The following CELA2A variants were observed in gnomAD, a reference collection of about 807,000 sequenced individuals.
The protein encoded by CELA2A is chymotrypsin-like elastase family member 2A.
CELA2A carries 31 observed loss-of-function variants against 35.3 expected under a neutral mutation model. The ratio of observed to expected loss-of-function variants is 0.88; its 90% CI spans 0.66 to 1.19. The LOEUF (loss-of-function observed/expected upper bound fraction) is 1.19, where lower values mean the gene tolerates loss of function less well. CELA2A is among the 50% of genes most tolerant of loss of function. CELA2A has a pLI of 0.00. For missense variants in CELA2A, 330 were observed against 352.9 expected (o/e 0.94, Z 0.52); for synonymous variants, 150 against 149.8 (o/e 1.00, Z -0.01).
intron 2 of CELA2A, 104 bp from the exon 3 acceptor site, chr1:15,461,439 GCACATGAGGCGACTGCCT>G: frequency 2.1e-6 from 2 of 957,950 alleles, no homozygotes; most frequent in Non-Finnish European, 3.2e-6. Flanking sequence ...CTTAAGTTGT[GCACATGAGGCGACTGCCT>G]CACTCCCCCT....
At chr1:15,462,937 C>G in intron 4 of CELA2A, 76 bp downstream of exon 4, 2 of 1,591,054 alleles carry the variant, frequency 1.3e-6, no homozygotes, top group African/African-American at 1.3e-5. Context: ...GCAAGGGTCT[C>G]AACCACACCA....
intron 7 of CELA2A, among the ~76,000 whole-genome samples, chr1:15,468,998 G>A (rs1343641873): frequency 6.6e-6 from 1 of 152,026 alleles, no homozygotes; most frequent in Non-Finnish European, 1.5e-5. Context: ...GTCAACACGG[G>A]GAAACCCCGT....
chr1:15,462,235 A>G (rs1383752334), intron 3 of CELA2A: 1 of 469,446 alleles, frequency 2.1e-6, no homozygotes, highest in Admixed American at 2.3e-5. Context: ...CCCTACCAGG[A>G]GTGATCCCTT....
chr1:15,457,510 T>G, intron 2 of CELA2A: 1 of 231,800 alleles, frequency 4.3e-6, no homozygotes, highest in Non-Finnish European at 8.6e-6. Context: ...CTGGGGAGGC[T>G]TAGGCAGGAG....
intron 5 of CELA2A, among the ~76,000 whole-genome samples, chr1:15,464,296 T>A (rs765526716): frequency 9.2e-5 from 14 of 151,996 alleles, no homozygotes; most frequent in Non-Finnish European, 1.6e-4. Flanking sequence ...CCATGCCCCA[T>A]AGCAAAAGCT....
intron 7 of CELA2A, among the ~76,000 whole-genome samples, chr1:15,469,550 C>G (rs562900610): frequency 1.3e-5 from 2 of 152,264 alleles, no homozygotes; most frequent in South Asian, 4.1e-4. Context: ...TCAAAATAAG[C>G]AGGTGGCTGC....
chr1:15,467,299 G>C (rs1708531423), intron 6 of CELA2A, 87 bp from the exon 7 acceptor site: 3 of 1,404,254 alleles, frequency 2.1e-6, no homozygotes, highest in Non-Finnish European at 3.0e-6. Flanking sequence ...ACCTGCAGCA[G>C]AACAATAGAA....
At chr1:15,462,515 T>C (rs1708449632) in intron 3 of CELA2A, among the ~76,000 whole-genome samples, 1 of 152,230 alleles carries the variant, frequency 6.6e-6, no homozygotes, top group Admixed American at 6.5e-5. Flanking sequence ...TTTTATATTG[T>C]AGTTTATAGT....
At chr1:15,456,946 G>C (rs1708368665) in intron 1 of CELA2A, 140 bp from the exon 2 acceptor site, 1 of 1,292,332 alleles carries the variant, frequency 7.7e-7, no homozygotes, top group Admixed American at 2.1e-5. Context: ...AAGAATTGGA[G>C]CAAAGAGCAG....
intron 2 of CELA2A, among the ~76,000 whole-genome samples, chr1:15,459,923 C>T (rs1708409903): frequency 6.9e-6 from 1 of 145,744 alleles, no homozygotes. Flanking sequence ...TTGAGACCAG[C>T]ATGGGCAACA....
Position 15,466,039 on chromosome 1 carries a change from G to T in CELA2A, c.534G>T (p.Leu178Phe). Reference protein sequence around the residue: ...AVPDVLQQGRLLVVDYATCSS... With the variant: ...AVPDVLQQGRFLVVDYATCSS... The stretch of plus-strand genomic sequence containing the variant: ...CTGATGTCCTGCAGCAGGGCCGGTT[G>T]CTGGTTGTGGACTATGCCACCTGCT... Residue 178 changes from leucine to phenylalanine, a missense_variant, in exon 6 of 8, where the codon TTG becomes TTT. Coordinates refer to ENST00000359621, the MANE Select transcript of CELA2A (RefSeq NM_033440.3). 1 of 1,614,184 alleles carries T rather than the reference G, an allele frequency of 6.2e-7. No individual in the cohort carries two copies. Among genetic ancestry groups the T allele is most frequent in the Non-Finnish European group, 8.5e-7 (1 of 1,180,038 alleles).
intron 7 of CELA2A, among the ~76,000 whole-genome samples, chr1:15,468,027 GGTTGCA>G (rs777730027): frequency 5.3e-5 from 8 of 149,670 alleles, no homozygotes; most frequent in Admixed American, 1.3e-4. Flanking sequence ...GGGAGATGGA[GGTTGCA>G]GTGAGCCAAA....
At chr1:15,467,599 G>A (rs1285982183) in intron 7 of CELA2A, 61 bp downstream of exon 7, 10 of 1,575,332 alleles carry the variant, frequency 6.3e-6, no homozygotes, top group Admixed American at 1.7e-5. Flanking sequence ...CCTCGGGAGT[G>A]CCATGCCCAC....
rs796633691 is a variant in CELA2A, at chr1:15,469,182, GA to G, written c.792+1653del. Among the ~76,000 whole-genome samples the G allele has an allele frequency of 3.9e-4, 59 of 150,504 alleles. 1 individual carries two copies. Among genetic ancestry groups the G allele is most frequent in the African/African-American group, 1.4e-3 (57 of 41,034 alleles). Reference sequence around the variant, plus strand: ...GACAGAGCGAGACTCCATCTCAAAAGAAAAAAAAACACACAAAAAAGAAAGA... The same window carrying G: ...GACAGAGCGAGACTCCATCTCAAAAGAAAAAAAACACACAAAAAAGAAAGA... On this transcript the variant is annotated intron_variant, in intron 7 of 7. Transcript: ENST00000359621.
chr1:15,461,624 A>G lies in CELA2A; in HGVS notation c.193A>G (p.Asn65Asp). 6.2e-7 allele frequency: 1 copy of G among 1,613,388 alleles called. No homozygotes were observed. The highest frequency in any genetic ancestry group is 8.5e-7 in the Non-Finnish European group (1 of 1,180,020). The change falls in exon 3 of 8, where the codon AAC (asparagine) becomes GAC (aspartate). Residue 65 changes from asparagine to aspartate, a missense_variant. Asn to Asp is a conservative substitution (Grantham distance 23). Transcript: ENST00000359621. ...YHTCGGSLIANSWVLTAAHCI... is the reference protein window; with the variant it reads ...YHTCGGSLIADSWVLTAAHCI... ...CACCTGCGGAGGGTCCCTGATAGCCAACAGCTGGGTCCTGACGGCTGCCCA... is the reference window on the plus strand; with the variant it reads ...CACCTGCGGAGGGTCCCTGATAGCCGACAGCTGGGTCCTGACGGCTGCCCA...
chr1:15,471,340 A>G (rs1708591521), intron 7 of CELA2A, among the ~76,000 whole-genome samples: 1 of 152,166 alleles, frequency 6.6e-6, no homozygotes, highest in East Asian at 1.9e-4. Flanking sequence ...TGAGGTCAGC[A>G]GTTTGAGACC....
chr1:15,470,282 G>A lies in CELA2A; in HGVS notation c.793-1708G>A, dbSNP rs555176134. On this transcript the variant is annotated intron_variant, in intron 7 of 7. Coordinates refer to ENST00000359621, the MANE Select transcript of CELA2A (RefSeq NM_033440.3). ...CACATACCACTAGAGCCCTGGGGGT[G>A]CCTGAGAGCACCTGCCTGGATAAAC... Among the ~76,000 whole-genome samples the A allele has an allele frequency of 1.7e-3, 258 of 152,228 alleles. 1 individual carries two copies. The highest frequency in any genetic ancestry group is 3.4e-3 in the Middle Eastern group (1 of 294).
rs1267042418 is a variant in CELA2A at position 15,462,785 on chromosome 1, G to C, written c.280G>C (p.Glu94Gln). The C allele has an allele frequency of 1.9e-6, 3 of 1,614,016 alleles. No homozygotes were observed. The African/African-American group carries it at 4.0e-5, about 22-fold the overall frequency. Residue 94 changes from glutamate (E) to glutamine (Q), a missense_variant, in exon 4 of 8, where the codon GAG becomes CAG. Coordinates refer to ENST00000359621, the MANE Select transcript of CELA2A (RefSeq NM_033440.3). ...GLGRHNLYVA[E>Q]SGSLAVSVSK... ...GGGCCGGCACAACCTCTACGTTGCG[G>C]AGTCCGGCTCGCTGGCAGTCAGTGT...
intron 7 of CELA2A, among the ~76,000 whole-genome samples, chr1:15,469,506 A>G (rs1708563739): frequency 6.6e-6 from 1 of 152,212 alleles, no homozygotes; most frequent in Admixed American, 6.5e-5. Flanking sequence ...AACTGCAGCC[A>G]TGAGCACGTG....
Sources: gnomAD v4.1 joint callset for allele counts (sites outside exome capture counted in the v4.1 genomes callset) on GRCh38, gnomAD v4.1.1 for gene constraint, MANE v1.5 for transcripts, NCBI Gene and HGNC (gene_info 2026-07-23, HGNC 2026-07-21) for gene names.